Variants in RNF34 observed in about 807,000 individuals in gnomAD.
The protein encoded by RNF34 is E3 ubiquitin-protein ligase RNF34.
A neutral mutation model predicts 37.9 loss-of-function variants in RNF34; 12 were observed. The ratio of observed to expected loss-of-function variants is 0.32; its 90% CI spans 0.20 to 0.51. The LOEUF (loss-of-function observed/expected upper bound fraction) is 0.51. RNF34 is among the 20% of genes least tolerant of loss of function. The probability of loss-of-function intolerance (pLI) is 0.97; values close to 1 mark genes in which losing one functional copy is unlikely to be tolerated. For missense variants in RNF34, 362 were observed against 472.7 expected (o/e 0.77, Z 2.17); for synonymous variants, 155 against 177.2 (o/e 0.87, Z 1.00).
intron 1 of RNF34, among the ~76,000 whole-genome samples, chr12:121,412,123 G>A (rs1235086715): frequency 1.3e-5 from 2 of 151,636 alleles, no homozygotes; most frequent in East Asian, 1.9e-4. Flanking sequence ...GTGCAGTGGC[G>A]CAATCTTGGC....
In RNF34 at chr12:121,417,477, T is replaced by C. The variant is rs1871681556; in HGVS notation, c.226-27T>C. 2 of 1,586,450 alleles carry C rather than the reference T, an allele frequency of 1.3e-6. No homozygotes were observed. Among genetic ancestry groups the C allele is most frequent in the East Asian group, 2.2e-5 (1 of 44,690 alleles). ...GCTTTCATAATGGTTTATATCTTGC[T>C]GTCATCAAATGCTTTTCTTTCTTCA... On this transcript the variant is annotated intron_variant, in intron 2 of 5. Coordinates refer to ENST00000361234, the MANE Select transcript of RNF34 (RefSeq NM_025126.4). This position sits in a 1 kb window ranked among gnomAD's most constrained non-coding sequence, Gnocchi z 5.0.
At chr12:121,403,882 ATGAC>A (rs1166573275) in intron 1 of RNF34, among the ~76,000 whole-genome samples, 4 of 151,138 alleles carry the variant, frequency 2.6e-5, no homozygotes. Flanking sequence ...TAAAAAGTGA[ATGAC>A]TGTGTAGTAA....
intron 1 of RNF34, among the ~76,000 whole-genome samples, chr12:121,412,905 C>T (rs1322140603): frequency 2.0e-5 from 3 of 150,256 alleles, no homozygotes; most frequent in Non-Finnish European, 3.0e-5. Flanking sequence ...TTAGTAGAGA[C>T]GGGGTTTCAC....
rs782160265 is a variant in RNF34 at position 121,417,271 on chromosome 12, AGT to A, written c.226-228_226-227del. On this transcript the variant is annotated intron_variant, in intron 2 of 5. Coordinates refer to ENST00000361234, the MANE Select transcript of RNF34 (RefSeq NM_025126.4). The surrounding 1 kb of genome is among the most constrained non-coding windows in gnomAD (Gnocchi z 5.0). ...AAAGGTTTTAATTCATTAACACAAG[AGT>A]GTGTTTTTCTTAAAGTCCTATATTA... Among the ~76,000 whole-genome samples the A allele has an allele frequency of 1.2e-4, 19 of 152,344 alleles. No individual in the cohort carries two copies. Among genetic ancestry groups the A allele is most frequent in the Non-Finnish European group, 2.4e-4 (16 of 68,042 alleles).
rs1311381635 is a variant in RNF34 at position 121,420,591 on chromosome 12, C to T, written c.741C>T (p.Ser247=). Reference sequence around the variant, plus strand: ...TGTGGTTTCAGAACCCCGGGCTCTCCAAGGAGAGAGTGAGAGCTTCACTGT... The same window carrying T: ...TGTGGTTTCAGAACCCCGGGCTCTCTAAGGAGAGAGTGAGAGCTTCACTGT... The part of the protein sequence containing the change: ...ENAEDRNPGL[S]KERVRASLSD... Residue 247 remains serine (S), a synonymous_variant, in exon 5 of 6, where the codon TCC becomes TCT. Transcript: ENST00000361234. The T allele has an allele frequency of 1.3e-5, 21 of 1,613,926 alleles. No homozygotes were observed. Among genetic ancestry groups the T allele is most frequent in the Non-Finnish European group, 1.6e-5 (19 of 1,179,982 alleles).
In RNF34 at chr12:121,422,743, T is replaced by C. The variant is rs3751133; in HGVS notation, c.929-643T>C. ...CTGGGGTTAACTTTTTTTTAACTTATTCATCGTCTTTCTTATTCACAGACT... is the reference window on the plus strand; with the variant it reads ...CTGGGGTTAACTTTTTTTTAACTTACTCATCGTCTTTCTTATTCACAGACT... On this transcript the variant is annotated intron_variant, in intron 5 of 5. Transcript: ENST00000361234. Among the ~76,000 whole-genome samples, 8 of 152,330 alleles carry C rather than the reference T, an allele frequency of 5.3e-5. No individual in the cohort carries two copies. In the East Asian group the frequency reaches 1.5e-3, roughly 29 times the overall value.
chr12:121,411,059 G>A (rs1555281310), intron 1 of RNF34, among the ~76,000 whole-genome samples: 2 of 151,952 alleles, frequency 1.3e-5, no homozygotes, highest in African/African-American at 4.8e-5. Context: ...CTCAGCCTCC[G>A]AGTAGCTGGG....
rs527477378 is a variant in RNF34, at chr12:121,422,156, G to A, written c.929-1230G>A. On this transcript the variant is annotated intron_variant, in intron 5 of 5. Transcript: ENST00000361234. Reference sequence around the variant, plus strand: ...CACCCTTAAGTACTTTGCGGCGTAGGATATAACATGGTTGTTATTATGACA... The same window carrying A: ...CACCCTTAAGTACTTTGCGGCGTAGAATATAACATGGTTGTTATTATGACA... Among the ~76,000 whole-genome samples the A allele has an allele frequency of 2.6e-4, 40 of 152,296 alleles. No individual in the cohort carries two copies. The South Asian group carries it at 3.9e-3, about 15-fold the overall frequency.
rs781869526 is a variant in RNF34, at chr12:121,423,451, G to A, written c.994G>A (p.Val332Ile). 8.7e-6 allele frequency: 14 copies of A among 1,613,256 alleles called. No homozygotes were observed. The highest frequency in any genetic ancestry group is 1.6e-4 in the Middle Eastern group (1 of 6,082). The change falls in exon 6 of 6, where the codon GTC becomes ATC. Residue 332 changes from valine to isoleucine, a missense_variant. Val to Ile is a conservative substitution (Grantham distance 29). Transcript: ENST00000361234. This position sits in a 1 kb window ranked among gnomAD's most constrained non-coding sequence, Gnocchi z 4.3. ...CCTGTGTCGCATCTGCATGGATGCC[G>A]TCATCGACTGTGTCCTACTGGAGTG... ...DSLCRICMDA[V>I]IDCVLLECGH...
Position 121,420,176 on chromosome 12 carries a change from A to G in RNF34, c.634-66A>G. On this transcript the variant is annotated intron_variant, in intron 3 of 5. Transcript: ENST00000361234. Reference sequence around the variant, plus strand: ...GGTCATCATGGGGAGCATCAATGACAAGGTTTTCTCTAGTGATAAATACAG... The same window carrying G: ...GGTCATCATGGGGAGCATCAATGACGAGGTTTTCTCTAGTGATAAATACAG... 3.4e-6 allele frequency: 5 copies of G among 1,454,658 alleles called. No homozygotes were observed. In the South Asian group the frequency reaches 5.8e-5, roughly 17 times the overall value. 90.1% of individuals were successfully genotyped at this position (1,454,658 alleles called of 1,614,324 possible).
intron 1 of RNF34, among the ~76,000 whole-genome samples, chr12:121,403,922 T>C (rs1279240524): frequency 2.0e-5 from 3 of 151,232 alleles, no homozygotes; most frequent in Middle Eastern, 3.4e-3. Context: ...GCAAGCAAGA[T>C]AGACTCTTAC....
Position 121,408,442 on chromosome 12 carries a change from AAAAAATAAAAAT to A in RNF34, c.7-7701_7-7690del, listed in dbSNP as rs59746769. On this transcript the variant is annotated intron_variant, in intron 1 of 5. Coordinates refer to ENST00000361234, the MANE Select transcript of RNF34 (RefSeq NM_025126.4). ...GGGTAACAAGAGTGAAACTCTGTCT[AAAAAATAAAAAT>A]AAAAATAAAAATAAATAAAAACTAG... Among the ~76,000 whole-genome samples, 135 of 151,566 alleles carry A rather than the reference AAAAAATAAAAAT, an allele frequency of 8.9e-4. 1 individual carries two copies. In the East Asian group the frequency reaches 0.014, roughly 16 times the overall value.
chr12:121,415,520 G>A (rs1307173990), intron 1 of RNF34, among the ~76,000 whole-genome samples: 5 of 152,212 alleles, frequency 3.3e-5, no homozygotes, highest in African/African-American at 7.2e-5. Context: ...GGAGGCTGAG[G>A]CAGGAGAATC....
At chr12:121,414,403 A>G (rs1325418216) in intron 1 of RNF34, among the ~76,000 whole-genome samples, 2 of 151,316 alleles carry the variant, frequency 1.3e-5, no homozygotes, top group Non-Finnish European at 2.9e-5. Context: ...TCTTTTATGT[A>G]TACTTGGGAC....
In RNF34 at chr12:121,416,255, G is replaced by A. The variant is rs782210356; in HGVS notation, c.103G>A (p.Ala35Thr). The change falls in exon 2 of 6, where the codon GCC becomes ACC. Residue 35 changes from alanine to threonine, a missense_variant. Physicochemically the swap from Ala to Thr is moderately conservative, Grantham distance 58 (BLOSUM62 0). Transcript: ENST00000361234. ...GGGCCAGCAGTCAGCATTTGCAGGA[G>A]CCACCGGTCCATTCAGATTTACACC... is the stretch of plus-strand genomic sequence containing the variant. Reference protein sequence around the residue: ...VRGQQSAFAGATGPFRFTPNP... With the variant: ...VRGQQSAFAGTTGPFRFTPNP... 13 of 1,614,062 alleles carry A rather than the reference G, an allele frequency of 8.1e-6. No homozygotes were observed. The highest frequency in any genetic ancestry group is 1.6e-4 in the Middle Eastern group (1 of 6,062).
At chr12:121,411,983 A>G (rs1871104830) in intron 1 of RNF34, among the ~76,000 whole-genome samples, 1 of 152,236 alleles carries the variant, frequency 6.6e-6, no homozygotes, top group African/African-American at 2.4e-5. Context: ...ATTTTTTAGA[A>G]CAAAGTTTTT....
At position 121,417,853 on chromosome 12, in the gene RNF34, C is replaced by T. The variant is rs368427013; in HGVS notation, c.575C>T (p.Ser192Leu). 1.1e-5 allele frequency: 17 copies of T among 1,613,946 alleles called. No individual in the cohort carries two copies. Among genetic ancestry groups the T allele is most frequent in the Admixed American group, 1.7e-5 (1 of 59,986 alleles). ...ACAGCCCCCTCTGCTACTATGTCTT[C>T]GTTTCAGGGAGAGCTTATGGATGGA... ...NYTAPSATMS[S>L]FQGELMDGDQ... is the part of the protein sequence containing the mutation. The change falls in exon 3 of 6, where the codon TCG becomes TTG. Residue 192 changes from serine (S) to leucine (L), a missense_variant. Physicochemically the swap from Ser to Leu is moderately radical, Grantham distance 145. Coordinates refer to ENST00000361234, the MANE Select transcript of RNF34 (RefSeq NM_025126.4). The surrounding 1 kb of genome is among the most constrained non-coding windows in gnomAD (Gnocchi z 5.0).
intron 3 of RNF34, among the ~76,000 whole-genome samples, chr12:121,419,498 C>T (rs540672550): frequency 5.3e-5 from 8 of 152,324 alleles, no homozygotes; most frequent in African/African-American, 1.9e-4. Flanking sequence ...GCACAGCTGA[C>T]TTACATACCC....
chr12:121,414,831 T>C (rs934105322), intron 1 of RNF34, among the ~76,000 whole-genome samples: 1 of 152,202 alleles, frequency 6.6e-6, no homozygotes, highest in Admixed American at 6.5e-5. Flanking sequence ...CGGTGGCTCA[T>C]GCCTGTAATC....
Sources: allele counts gnomAD v4.1 joint callset (sites outside exome capture counted in the v4.1 genomes callset), GRCh38; gene constraint gnomAD v4.1.1; non-coding constraint Gnocchi (gnomAD v3.1); transcripts MANE v1.5; gene names NCBI Gene and HGNC (gene_info 2026-07-23, HGNC 2026-07-21).